PSME4: variants seen among roughly 807,000 people sequenced by gnomAD.
The protein encoded by PSME4 is proteasome activator complex subunit 4.
PSME4 carries 89 observed loss-of-function variants against 253.9 expected under a neutral mutation model. The observed-to-expected ratio is 0.35, with a 90% CI of 0.30 to 0.42. PSME4 has a LOEUF of 0.42. PSME4 is among the 10% of genes least tolerant of loss of function. The pLI, the probability that PSME4 is intolerant of heterozygous loss-of-function variation, is 1.00. For synonymous variants in PSME4, 851 were observed against 759.2 expected (o/e 1.12, Z -1.99); for missense variants, 2,014 against 2,195.2 (o/e 0.92, Z 1.65).
intron 2 of PSME4, 109 bp downstream of exon 2, chr2:53,949,034 A>C (rs1333460591): frequency 1.5e-6 from 2 of 1,359,628 alleles, no homozygotes; most frequent in Non-Finnish European, 1.9e-6. Context: ...TCATTTTCCA[A>C]ATTGGCAATT....
intron 3 of PSME4, among the ~76,000 whole-genome samples, chr2:53,947,799 T>C (rs1669793808): frequency 6.6e-6 from 1 of 152,070 alleles, no homozygotes; most frequent in African/African-American, 2.4e-5. Flanking sequence ...GCAGATCACC[T>C]GAGGTCAGGA....
At chr2:53,952,663 C>T (rs1670051943) in intron 1 of PSME4, among the ~76,000 whole-genome samples, 1 of 152,220 alleles carries the variant, frequency 6.6e-6, no homozygotes, top group Admixed American at 6.5e-5. Flanking sequence ...CAGTCCCCAA[C>T]CTTTTTGGTA....
chr2:53,889,049 G>C lies in PSME4; in HGVS notation c.4297-237C>G, dbSNP rs1679769900. Among the ~76,000 whole-genome samples the C allele has an allele frequency of 2.0e-5, 3 of 152,034 alleles. No individual in the cohort carries two copies. The South Asian group carries it at 6.2e-4, about 31-fold the overall frequency. On this transcript the variant is annotated intron_variant, in intron 37 of 46. Transcript: ENST00000404125. ...CCTGGCTAATTTTTTATTTTTTGTA[G>C]AGACAGAGTCTCCCTACGTTGCCCA... is the stretch of plus-strand genomic sequence containing the variant.
chr2:53,958,467 A>C (rs805336), intron 1 of PSME4, among the ~76,000 whole-genome samples: 2,443 of 152,324 alleles, frequency 0.016, 25 homozygotes, highest in Non-Finnish European at 0.023. Context: ...ATTATGATAC[A>C]GTGTAAATCA....
chr2:53,955,662 C>G (rs1176679725), intron 1 of PSME4, among the ~76,000 whole-genome samples: 1 of 152,156 alleles, frequency 6.6e-6, no homozygotes, highest in Non-Finnish European at 1.5e-5. Flanking sequence ...TGGCTCATGT[C>G]TGCAATCCAA....
intron 1 of PSME4, among the ~76,000 whole-genome samples, chr2:53,967,180 G>A (rs1407181622): frequency 6.6e-6 from 1 of 152,034 alleles, no homozygotes; most frequent in Non-Finnish European, 1.5e-5. Flanking sequence ...TTTCCCTTGT[G>A]ATGTGTTACA....
At chr2:53,920,044 A>G (rs1380634436) in intron 19 of PSME4, 149 bp downstream of exon 19, 5 of 724,932 alleles carry the variant, frequency 6.9e-6, no homozygotes, top group Non-Finnish European at 1.0e-5. Flanking sequence ...TCTGTTATAC[A>G]ACATTATATT....
intron 28 of PSME4, among the ~76,000 whole-genome samples, 194 bp downstream of exon 28, chr2:53,901,156 C>T (rs1421198217): frequency 1.3e-5 from 2 of 152,096 alleles, no homozygotes; most frequent in African/African-American, 4.8e-5. Context: ...CTCCAACTTG[C>T]TACTTCACCC....
Position 53,970,971 on chromosome 2 carries a change from T to C in PSME4, c.-187A>G. The C allele has an allele frequency of 6.2e-6, 3 of 482,794 alleles. No homozygotes were observed. The highest frequency in any genetic ancestry group is 3.7e-5 in the East Asian group (1 of 27,302). The allele number at this position is 482,794 out of a possible 1,614,324, so 29.9% of individuals were successfully genotyped here. On this transcript the variant is annotated 5_prime_UTR_variant, in exon 1 of 47. Coordinates refer to ENST00000404125, the MANE Select transcript of PSME4 (RefSeq NM_014614.3). Reference sequence around the variant, plus strand: ...TGGGCCCCACGCGGCTCTCAGTTCGTTGGCGGCGGCAGCGGCCGCTCTGCC... The same window carrying C: ...TGGGCCCCACGCGGCTCTCAGTTCGCTGGCGGCGGCAGCGGCCGCTCTGCC...
intron 1 of PSME4, among the ~76,000 whole-genome samples, chr2:53,956,276 C>T (rs1444315489): frequency 6.6e-6 from 1 of 152,042 alleles, no homozygotes; most frequent in African/African-American, 2.4e-5. Context: ...GGACTATAAT[C>T]CCAGCACTTT....
At chr2:53,945,800 T>C (rs961170019) in intron 3 of PSME4, among the ~76,000 whole-genome samples, 2 of 152,308 alleles carry the variant, frequency 1.3e-5, no homozygotes, top group Middle Eastern at 3.4e-3. Context: ...CTGACAAAAC[T>C]GTTTCAAAAT....
At chr2:53,951,763 C>G (rs573343327) in intron 1 of PSME4, among the ~76,000 whole-genome samples, 168 of 152,254 alleles carry the variant, frequency 1.1e-3, no homozygotes, top group African/African-American at 4.0e-3. Flanking sequence ...GAACATAATG[C>G]AGATATTATA....
At chr2:53,948,590 T>A (rs1185051907) in intron 2 of PSME4, 53 bp from the exon 3 acceptor site, 9 of 1,096,078 alleles carry the variant, frequency 8.2e-6, no homozygotes, top group Non-Finnish European at 1.3e-5. Flanking sequence ...CACAGATGTG[T>A]GTATACCACA....
chr2:53,925,556 A>G lies in PSME4; in HGVS notation c.1792T>C (p.Ser598Pro). 1 of 1,556,830 alleles carries G rather than the reference A, an allele frequency of 6.4e-7. No individual in the cohort carries two copies. The highest frequency in any genetic ancestry group is 8.8e-7 in the Non-Finnish European group (1 of 1,140,252). Residue 598 changes from serine to proline, a missense_variant, in exon 14 of 47, where the codon TCC (serine) becomes CCC (proline). Ser to Pro is a moderately conservative substitution (Grantham distance 74). Around this residue, in one of 4 missense-constraint regions of PSME4, gnomAD observed 989 missense variants for 1,021.1 expected, o/e 0.97. Transcript: ENST00000404125. The part of the protein sequence containing the change: ...STFSTILTQC[S>P]KEIFMVALQK... ...GTTCTTACCATAAATATTTCTTTGG[A>G]ACATTGGGTGAGGATTGTACTAAAC...
At position 53,897,175 on chromosome 2, in the gene PSME4, T is replaced by TG. The variant is rs1012124055; in HGVS notation, c.3607-291_3607-290insC. Among the ~76,000 whole-genome samples the TG allele has an allele frequency of 3.3e-5, 5 of 150,032 alleles. 1 individual carries two copies. The highest frequency in any genetic ancestry group is 2.6e-4 in the Admixed American group (4 of 15,114). The stretch of plus-strand genomic sequence containing the variant: ...CAAATCTTAGCCTCAGGGTTTTTTT[T>TG]TTTTTTTTTTTTGACAGAGTTTTCA... On this transcript the variant is annotated intron_variant, in intron 31 of 46. Coordinates refer to ENST00000404125, the MANE Select transcript of PSME4 (RefSeq NM_014614.3).
At chr2:53,897,166 G>GTT (rs1558661588) in intron 31 of PSME4, among the ~76,000 whole-genome samples, 238 of 122,994 alleles carry the variant, frequency 1.9e-3, no homozygotes, top group East Asian at 0.011. Context: ...TTAGCCTCAG[G>GTT]GTTTTTTTTT....
Position 53,892,938 on chromosome 2 carries a change from T to A in PSME4, c.4061A>T (p.Asp1354Val), listed in dbSNP as rs1190379566. Residue 1354 changes from aspartate (D) to valine (V), a missense_variant, in exon 36 of 47, where the codon GAT (aspartate) becomes GTT (valine). Physicochemically the swap from Asp to Val is radical, Grantham distance 152. Around this residue, in one of 4 missense-constraint regions of PSME4, gnomAD observed 989 missense variants for 1,021.1 expected, o/e 0.97. Coordinates refer to ENST00000404125, the MANE Select transcript of PSME4 (RefSeq NM_014614.3). ...GGGCTTCAGAACTGGCAGGAAGGCATCATCAAAATTCCTGAATATACCCTA... is the reference window on the plus strand; with the variant it reads ...GGGCTTCAGAACTGGCAGGAAGGCAACATCAAAATTCCTGAATATACCCTA... ...LFKGIFRNFDDAFLPVLKPHL... is the reference protein window; with the variant it reads ...LFKGIFRNFDVAFLPVLKPHL... 5 of 1,613,248 alleles carry A rather than the reference T, an allele frequency of 3.1e-6. No individual in the cohort carries two copies. Among genetic ancestry groups the A allele is most frequent in the Non-Finnish European group, 4.2e-6 (5 of 1,179,688 alleles).
intron 42 of PSME4, among the ~76,000 whole-genome samples, chr2:53,874,835 C>A (rs1679048742): frequency 6.6e-6 from 1 of 152,166 alleles, no homozygotes; most frequent in Admixed American, 6.5e-5. Context: ...ATCCCAGCTA[C>A]TTGGGAAGCT....
intron 14 of PSME4, among the ~76,000 whole-genome samples, chr2:53,923,745 A>C (rs1380755886): frequency 6.6e-6 from 1 of 152,050 alleles, no homozygotes; most frequent in Non-Finnish European, 1.5e-5. Context: ...CAACATGGCG[A>C]AACCCTGTCT....
Sources: allele counts gnomAD v4.1 joint callset (sites outside exome capture counted in the v4.1 genomes callset), GRCh38; gene constraint gnomAD v4.1.1; regional missense constraint gnomAD v4.1.1; transcripts MANE v1.5; gene names NCBI Gene and HGNC (gene_info 2026-07-23, HGNC 2026-07-21).